The following PDS5B variants were observed in gnomAD, a reference collection of about 807,000 sequenced individuals.
The protein encoded by PDS5B is PDS5 cohesin associated factor B, also known as sister chromatid cohesion protein PDS5 homolog B.
In PDS5B, 51 loss-of-function variants were observed where a neutral mutation model predicts 184.1. The ratio of observed to expected loss-of-function variants is 0.28; its 90% CI spans 0.22 to 0.35. The LOEUF (loss-of-function observed/expected upper bound fraction) is 0.35, where lower values mean the gene tolerates loss of function less well. PDS5B is among the 10% of genes least tolerant of loss of function. The pLI, the probability that PDS5B is intolerant of heterozygous loss-of-function variation, is 1.00. For synonymous variants in PDS5B, 566 were observed against 569.2 expected, an observed-to-expected ratio of 0.99 and a Z score of 0.08; for missense variants, 1,180 against 1,723.3, an observed-to-expected ratio of 0.68 and a Z score of 5.58.
intron 1 of PDS5B, among the ~76,000 whole-genome samples, chr13:32,625,838 C>CTT (rs67536326): frequency 8.4e-5 from 11 of 131,374 alleles, no homozygotes; most frequent in African/African-American, 1.7e-4. Context: ...GACCAGTATT[C>CTT]TTTTTTTTTT....
At chr13:32,689,715 A>T (rs1328991716) in intron 13 of PDS5B, 1 of 152,202 alleles carries the variant, frequency 6.6e-6, no homozygotes, top group Non-Finnish European at 1.5e-5. Context: ...CACTACACGT[A>T]GTAAAATACA....
intron 19 of PDS5B, among the ~76,000 whole-genome samples, chr13:32,716,231 G>A (rs575608003): frequency 6.6e-6 from 1 of 151,252 alleles, no homozygotes; most frequent in African/African-American, 2.4e-5. Context: ...CCTCTTCCCG[G>A]CCGCCATCCC....
Position 32,613,687 on chromosome 13 carries a change from TC to T in PDS5B, c.-20+27095del, listed in dbSNP as rs767961605. ...GAATGTTCTCCCATTCTGTGAATTG[TC>T]TTTTTACTTTGTTGATGGTAGCTTC... On this transcript the variant is annotated intron_variant, in intron 1 of 34. Transcript: ENST00000315596. Among the ~76,000 whole-genome samples the T allele has an allele frequency of 1.3e-4, 20 of 152,360 alleles. No individual in the cohort carries two copies. The East Asian group carries it at 3.7e-3, about 28-fold the overall frequency.
At chr13:32,711,921 T>G (rs1006587461) in intron 19 of PDS5B, among the ~76,000 whole-genome samples, 1 of 152,232 alleles carries the variant, frequency 6.6e-6, no homozygotes, top group Non-Finnish European at 1.5e-5. Context: ...GCGGTTATTA[T>G]CCTAGTTTTC....
intron 1 of PDS5B, among the ~76,000 whole-genome samples, chr13:32,587,101 G>T (rs971023207): frequency 2.0e-5 from 3 of 148,508 alleles, no homozygotes; most frequent in African/African-American, 4.9e-5. Context: ...ATCCTCCCGC[G>T]GGCGGGCTTC....
chr13:32,716,234 G>A (rs1372712823), intron 19 of PDS5B, among the ~76,000 whole-genome samples: 2 of 150,754 alleles, frequency 1.3e-5, no homozygotes, highest in African/African-American at 2.5e-5. Flanking sequence ...CTTCCCGGCC[G>A]CCATCCCATC....
chr13:32,600,152 A>G (rs2057950670), intron 1 of PDS5B, among the ~76,000 whole-genome samples: 1 of 152,138 alleles, frequency 6.6e-6, no homozygotes, highest in Admixed American at 6.5e-5. Flanking sequence ...AAGATTCCCC[A>G]TTGTGACCAT....
At chr13:32,704,256 C>T (rs749938215) in intron 17 of PDS5B, among the ~76,000 whole-genome samples, 7 of 152,042 alleles carry the variant, frequency 4.6e-5, no homozygotes, top group African/African-American at 1.7e-4. Context: ...GCAGCCTCCA[C>T]CTGCTGTGAT....
chr13:32,600,905 A>G (rs968789118), intron 1 of PDS5B, among the ~76,000 whole-genome samples: 3 of 152,196 alleles, frequency 2.0e-5, no homozygotes, highest in Non-Finnish European at 4.4e-5. Context: ...CCCTGAGCAT[A>G]TGAAGTTCGG....
Position 32,616,360 on chromosome 13 carries a change from C to T in PDS5B, c.-20+29767C>T, listed in dbSNP as rs144930634. On this transcript the variant is annotated intron_variant, in intron 1 of 34. Transcript: ENST00000315596. The stretch of plus-strand genomic sequence containing the variant: ...GTGAGCCACTGCGCCTGGCCCCTCC[C>T]GTCTCTTTAAAATTTTTTTATACTT... 4.7e-3 allele frequency among the ~76,000 whole-genome samples: 711 copies of T among 151,808 alleles called. 7 individuals are homozygous for T. Among genetic ancestry groups the T allele is most frequent in the African/African-American group, 0.016 (651 of 41,422 alleles).
chr13:32,591,224 G>A (rs997860158), intron 1 of PDS5B, among the ~76,000 whole-genome samples: 1 of 152,068 alleles, frequency 6.6e-6, no homozygotes, highest in Non-Finnish European at 1.5e-5. Context: ...CACCTCCTGG[G>A]TTCAAGTGAT....
intron 1 of PDS5B, among the ~76,000 whole-genome samples, chr13:32,596,819 C>T (rs553202342): frequency 1.3e-5 from 2 of 152,004 alleles, no homozygotes; most frequent in Non-Finnish European, 2.9e-5. Flanking sequence ...GCTTTCTGCC[C>T]ATTAAAAAAT....
chr13:32,616,508 T>C (rs879796594), intron 1 of PDS5B, among the ~76,000 whole-genome samples: 4 of 152,222 alleles, frequency 2.6e-5, no homozygotes, highest in Non-Finnish European at 4.4e-5. Flanking sequence ...AAGAAATATA[T>C]AACTTTTCTA....
chr13:32,687,433 C>A, intron 12 of PDS5B, 148 bp downstream of exon 12: 1 of 568,854 alleles, frequency 1.8e-6, no homozygotes, highest in Non-Finnish European at 3.0e-6. Context: ...GGGCTCATTC[C>A]CACCCAAGCC....
intron 16 of PDS5B, among the ~76,000 whole-genome samples, chr13:32,700,568 T>C (rs757534962): frequency 6.6e-6 from 1 of 152,164 alleles, no homozygotes; most frequent in Non-Finnish European, 1.5e-5. Flanking sequence ...GTGTTTATAA[T>C]ATTTGCCTAG....
chr13:32,759,037 A>G (rs1047155036), intron 28 of PDS5B, among the ~76,000 whole-genome samples: 23 of 152,294 alleles, frequency 1.5e-4, no homozygotes, highest in Admixed American at 1.5e-3. Flanking sequence ...GAACATGCCT[A>G]AGACCCTGGG....
chr13:32,648,179 A>T (rs575341032), intron 1 of PDS5B, among the ~76,000 whole-genome samples: 2 of 152,142 alleles, frequency 1.3e-5, no homozygotes, highest in African/African-American at 4.8e-5. Context: ...GTTCATTTCT[A>T]GTTTACCCTC....
At chr13:32,595,180 A>G (rs903778094) in intron 1 of PDS5B, among the ~76,000 whole-genome samples, 52 of 152,176 alleles carry the variant, frequency 3.4e-4, no homozygotes, top group African/African-American at 1.2e-3. Flanking sequence ...AAAAAAAAAA[A>G]TGTTGTAGGG....
At chr13:32,679,065 GTTCTCTGA>G (rs1951158569) in intron 10 of PDS5B, 136 bp downstream of exon 10, 2 of 467,778 alleles carry the variant, frequency 4.3e-6, no homozygotes, top group Non-Finnish European at 7.5e-6. Flanking sequence ...CATGGAAGTT[GTTCTCTGA>G]AGCTAGATTT....
Sources: allele counts gnomAD v4.1 joint callset (sites outside exome capture counted in the v4.1 genomes callset), GRCh38; gene constraint gnomAD v4.1.1; transcripts MANE v1.5; gene names NCBI Gene and HGNC (gene_info 2026-07-23, HGNC 2026-07-21).